The following SNTB2 variants were observed in gnomAD, a reference collection of about 807,000 sequenced individuals.
The protein encoded by SNTB2 is beta-2-syntrophin.
In SNTB2, 34 loss-of-function variants were observed where a neutral mutation model predicts 46.2. That is an observed-to-expected ratio of 0.74 (90% CI 0.56 to 0.98). The LOEUF (loss-of-function observed/expected upper bound fraction) is 0.98, where lower values mean the gene tolerates loss of function less well. Ranked by LOEUF, SNTB2 falls within the 50% of genes least tolerant of loss-of-function variation. The pLI, the probability that SNTB2 is intolerant of heterozygous loss-of-function variation, is 0.00. For missense variants in SNTB2, 603 were observed against 731.4 expected (o/e 0.82, Z 2.02); for synonymous variants, 290 against 312.6 (o/e 0.93, Z 0.76).
chr16:69,246,805 G>C (rs187625160), intron 2 of SNTB2, among the ~76,000 whole-genome samples: 2,668 of 147,012 alleles, frequency 0.018, 78 homozygotes, highest in African/African-American at 0.063. Context: ...TGTATGTGTC[G>C]AGGAATTTAT....
At chr16:69,208,307 G>A (rs1431853510) in intron 1 of SNTB2, among the ~76,000 whole-genome samples, 1 of 151,752 alleles carries the variant, frequency 6.6e-6, no homozygotes, top group East Asian at 1.9e-4. Context: ...TAGGGAGGCC[G>A]AGGCAGGAGA....
Position 69,301,059 on chromosome 16 carries a change from C to T in SNTB2, c.*135C>T. 1.6e-6 allele frequency: 1 copy of T among 609,090 alleles called. No individual in the cohort carries two copies. 37.7% of individuals were successfully genotyped at this position (609,090 alleles called of 1,614,324 possible). Reference sequence around the variant, plus strand: ...CAAGGACCTGCAAATAACTGCTGAACCATAACCGTGTTTAAAGAAGAGCCT... The same window carrying T: ...CAAGGACCTGCAAATAACTGCTGAATCATAACCGTGTTTAAAGAAGAGCCT... On this transcript the variant is annotated 3_prime_UTR_variant, in exon 7 of 7. Coordinates refer to ENST00000336278, the MANE Select transcript of SNTB2 (RefSeq NM_006750.4).
intron 1 of SNTB2, among the ~76,000 whole-genome samples, chr16:69,224,314 C>T (rs1964437468): frequency 1.4e-5 from 2 of 147,072 alleles, no homozygotes; most frequent in African/African-American, 2.5e-5. Context: ...CAGGTTCAAG[C>T]GATTCTCCTG....
rs1965275894 is a variant in SNTB2, at chr16:69,301,250, T to G, written c.*326T>G. On this transcript the variant is annotated 3_prime_UTR_variant, in exon 7 of 7. Coordinates refer to ENST00000336278, the MANE Select transcript of SNTB2 (RefSeq NM_006750.4). ...TTCTTTTTTTTTCATTGTTTTCATT[T>G]TTAGACATAATCAAATACCCAAGCA... 1 of 214,704 alleles carries G rather than the reference T, an allele frequency of 4.7e-6. No individual in the cohort carries two copies. Among genetic ancestry groups the G allele is most frequent in the Admixed American group, 5.1e-5 (1 of 19,624 alleles). The allele number at this position is 214,704 out of a possible 1,614,324, so 13.3% of individuals were successfully genotyped here.
rs778580089 is a variant in SNTB2 at position 69,260,240 on chromosome 16, A to G, written c.985A>G (p.Ile329Val). The G allele has an allele frequency of 6.2e-7, 1 of 1,614,118 alleles. No homozygotes were observed. The highest frequency in any genetic ancestry group is 8.5e-7 in the Non-Finnish European group (1 of 1,180,020). The change falls in exon 3 of 7, where the codon ATT becomes GTT. Residue 329 changes from isoleucine (I) to valine (V), a missense_variant. Transcript: ENST00000336278. ...AGGAGGCAGTAAAGAGGTGAAGCATATTGCCTGGCTGGCAGAACAGGTAGG... is the reference window on the plus strand; with the variant it reads ...AGGAGGCAGTAAAGAGGTGAAGCATGTTGCCTGGCTGGCAGAACAGGTAGG... ...TAGGSKEVKH[I>V]AWLAEQAKLD...
At chr16:69,273,515 T>C (rs1006732837) in intron 4 of SNTB2, among the ~76,000 whole-genome samples, 5 of 152,110 alleles carry the variant, frequency 3.3e-5, no homozygotes, top group Non-Finnish European at 7.4e-5. Flanking sequence ...ATATGGAAAG[T>C]TCAGGATAGG....
At chr16:69,277,742 A>G (rs536352263) in intron 4 of SNTB2, among the ~76,000 whole-genome samples, 29 of 152,336 alleles carry the variant, frequency 1.9e-4, no homozygotes, top group African/African-American at 7.0e-4. Context: ...AAGAGATTTT[A>G]TTTATTTCTC....
intron 1 of SNTB2, among the ~76,000 whole-genome samples, chr16:69,221,040 C>T (rs528768332): frequency 6.6e-6 from 1 of 152,214 alleles, no homozygotes; most frequent in South Asian, 2.1e-4. Context: ...TGGACTCACA[C>T]AGTATGTAGC....
chr16:69,248,492 C>A (rs1964692550), intron 2 of SNTB2, among the ~76,000 whole-genome samples: 1 of 152,028 alleles, frequency 6.6e-6, no homozygotes, highest in African/African-American at 2.4e-5. Flanking sequence ...AACAGCCAGG[C>A]ATGGTGGCAG....
intron 1 of SNTB2, among the ~76,000 whole-genome samples, chr16:69,203,955 C>T (rs751545906): frequency 1.3e-5 from 2 of 151,966 alleles, no homozygotes; most frequent in South Asian, 2.1e-4. Context: ...CGTAGTGGCG[C>T]GATCCCGGCT....
intron 1 of SNTB2, 27 bp downstream of exon 1, chr16:69,187,773 G>GGGGGGGGGGGGGGGGGGGGGGGGGGGC: frequency 6.0e-6 from 2 of 331,852 alleles, no homozygotes; most frequent in East Asian, 9.7e-5. Context: ...GGGAGGGTGG[G>GGGGGGGGGGGGGGGGGGGGGGGGGGGC]CAGGCCGCGG....
At chr16:69,197,333 G>A (rs1433708470) in intron 1 of SNTB2, among the ~76,000 whole-genome samples, 1 of 152,136 alleles carries the variant, frequency 6.6e-6, no homozygotes, top group African/African-American at 2.4e-5. Flanking sequence ...AGGATGGAGG[G>A]CATGTTTAGA....
intron 1 of SNTB2, among the ~76,000 whole-genome samples, chr16:69,211,124 A>T (rs1023024988): frequency 9.9e-5 from 15 of 152,112 alleles, no homozygotes; most frequent in Non-Finnish European, 1.8e-4. Flanking sequence ...AAAAAATTAA[A>T]TTTTTAAAAT....
chr16:69,233,410 T>G (rs1964526129), intron 1 of SNTB2, among the ~76,000 whole-genome samples: 1 of 152,078 alleles, frequency 6.6e-6, no homozygotes. Flanking sequence ...AATAATAATA[T>G]CCTGCATTTG....
chr16:69,270,532 C>G (rs566428202), intron 4 of SNTB2, among the ~76,000 whole-genome samples: 1 of 152,260 alleles, frequency 6.6e-6, no homozygotes, highest in South Asian at 2.1e-4. Flanking sequence ...AACTTCCTAA[C>G]TGTTCCCTTA....
At chr16:69,299,853 A>C in intron 6 of SNTB2, 79 bp downstream of exon 6, 1 of 1,414,386 alleles carries the variant, frequency 7.1e-7, no homozygotes, top group Non-Finnish European at 9.7e-7. Flanking sequence ...CTTATATACA[A>C]AGTCATGGAC....
chr16:69,233,217 G>A (rs564755469), intron 1 of SNTB2, among the ~76,000 whole-genome samples: 2 of 152,282 alleles, frequency 1.3e-5, no homozygotes, highest in African/African-American at 2.4e-5. Context: ...AGGCAATAAA[G>A]GGAAATTAAG....
chr16:69,244,248 A>G (rs190549812), intron 1 of SNTB2, among the ~76,000 whole-genome samples: 7 of 152,300 alleles, frequency 4.6e-5, no homozygotes, highest in African/African-American at 1.4e-4. Flanking sequence ...CCTATAAAAG[A>G]CTATCAACCT....
chr16:69,248,804 AAG>A (rs1179602825), intron 2 of SNTB2, among the ~76,000 whole-genome samples: 1 of 151,904 alleles, frequency 6.6e-6, no homozygotes, highest in African/African-American at 2.4e-5. Context: ...TACAAAAAAA[AAG>A]AGAGAGACAG....
Sources: allele counts gnomAD v4.1 joint callset (sites outside exome capture counted in the v4.1 genomes callset), GRCh38; gene constraint gnomAD v4.1.1; transcripts MANE v1.5; gene names NCBI Gene and HGNC (gene_info 2026-07-23, HGNC 2026-07-21).